The following GAP43 variants were observed in gnomAD, a reference collection of about 807,000 sequenced individuals.
The protein encoded by GAP43 is neuromodulin.
Under a neutral mutation model 18.6 loss-of-function variants are expected in GAP43, and 6 were observed. The observed-to-expected ratio is 0.32, with a 90% CI of 0.18 to 0.64. GAP43 has a LOEUF of 0.64. Ranked by LOEUF, GAP43 falls within the 30% of genes least tolerant of loss-of-function variation. The pLI, the probability that GAP43 is intolerant of heterozygous loss-of-function variation, is 0.78. For synonymous variants in GAP43, 115 were observed against 111.4 expected, an observed-to-expected ratio of 1.03 and a Z score of -0.20; for missense variants, 292 against 295.5, an observed-to-expected ratio of 0.99 and a Z score of 0.09.
Position 115,698,258 on chromosome 3 carries a change from T to TATATAAAATATATATAATATATAATAC in GAP43, c.628+21663_628+21664insAATATATAATACATATAAAATATATAT, listed in dbSNP as rs1559804501. On this transcript the variant is annotated intron_variant, in intron 2 of 2. Coordinates refer to ENST00000305124, the MANE Select transcript of GAP43 (RefSeq NM_002045.4). ...TATAAAATATATATAATATATAATA[T>TATATAAAATATATATAATATATAATAC]ATATAAAATATATATTATATATAAA... Among the ~76,000 whole-genome samples the TATATAAAATATATATAATATATAATAC allele has an allele frequency of 4.6e-3, 189 of 41,090 alleles. 3 individuals carry two copies. The highest frequency in any genetic ancestry group is 0.015 in the African/African-American group (183 of 11,970). 27.0% of individuals were successfully genotyped at this position (41,090 alleles called of 152,430 possible). A position where few individuals can be genotyped will look rare whatever the true frequency, so the allele number is the denominator to read the frequency against.
intron 2 of GAP43, among the ~76,000 whole-genome samples, chr3:115,683,648 A>G (rs1027418039): frequency 6.6e-6 from 1 of 152,118 alleles, no homozygotes; most frequent in Admixed American, 6.5e-5. Context: ...GTGTATTTTT[A>G]TATGCTTTTA....
At chr3:115,694,175 G>C (rs1014877867) in intron 2 of GAP43, among the ~76,000 whole-genome samples, 2 of 152,316 alleles carry the variant, frequency 1.3e-5, no homozygotes, top group East Asian at 3.9e-4. Context: ...AGTGGCTGCC[G>C]CTGCTGTTAC....
At chr3:115,684,101 A>G (rs1334313236) in intron 2 of GAP43, among the ~76,000 whole-genome samples, 1 of 152,198 alleles carries the variant, frequency 6.6e-6, no homozygotes, top group Non-Finnish European at 1.5e-5. Flanking sequence ...AGATATCTTC[A>G]GGGGAAGAAA....
chr3:115,657,373 G>T (rs769847277), intron 1 of GAP43, among the ~76,000 whole-genome samples: 25 of 152,240 alleles, frequency 1.6e-4, no homozygotes, highest in Admixed American at 7.2e-4. Flanking sequence ...GTTACCACCA[G>T]ATGGTGAAAC....
At chr3:115,690,042 C>A (rs1166899211) in intron 2 of GAP43, among the ~76,000 whole-genome samples, 1 of 152,220 alleles carries the variant, frequency 6.6e-6, no homozygotes, top group African/African-American at 2.4e-5. Flanking sequence ...TGGCCATGGC[C>A]AAGGCCAATT....
chr3:115,686,676 TC>T (rs1362322375), intron 2 of GAP43, among the ~76,000 whole-genome samples: 2 of 152,214 alleles, frequency 1.3e-5, no homozygotes, highest in Non-Finnish European at 2.9e-5. Flanking sequence ...TCTTAAAACC[TC>T]TTTCTCATGA....
intron 2 of GAP43, among the ~76,000 whole-genome samples, chr3:115,694,568 C>T (rs926831108): frequency 6.6e-6 from 1 of 152,176 alleles, no homozygotes; most frequent in Non-Finnish European, 1.5e-5. Flanking sequence ...CTTGTTTAAG[C>T]TTCACAATGA....
intron 1 of GAP43, among the ~76,000 whole-genome samples, chr3:115,665,988 GA>G (rs1202015719): frequency 8.3e-5 from 4 of 48,368 alleles, no homozygotes; most frequent in Non-Finnish European, 1.8e-4. Context: ...GTGGCTAAAT[GA>G]GTGTGTGTGT....
chr3:115,664,579 C>A (rs1708708176), intron 1 of GAP43, among the ~76,000 whole-genome samples: 1 of 152,176 alleles, frequency 6.6e-6, no homozygotes, highest in South Asian at 2.1e-4. Flanking sequence ...AGCCAGGATT[C>A]AAACTCAGAT....
In GAP43 at chr3:115,641,510, T is replaced by TCACACACACACACACACACA. The variant is rs376412583; in HGVS notation, c.30+17805_30+17824dup. Among the ~76,000 whole-genome samples the TCACACACACACACACACACA allele has an allele frequency of 2.2e-3, 233 of 107,050 alleles. 1 individual carries two copies. The highest frequency in any genetic ancestry group is 3.3e-3 in the African/African-American group (91 of 27,906). The allele number at this position is 107,050 out of a possible 152,430, so 70.2% of individuals were successfully genotyped here. ...GTGCATATATTATACATATATATAT[T>TCACACACACACACACACACA]CACACACACACACACACACACACAC... On this transcript the variant is annotated intron_variant, in intron 1 of 2. Transcript: ENST00000305124.
intron 2 of GAP43, among the ~76,000 whole-genome samples, chr3:115,717,640 GA>G (rs1709526603): frequency 1.3e-5 from 2 of 149,928 alleles, no homozygotes; most frequent in Non-Finnish European, 3.0e-5. Flanking sequence ...GGTATATTAT[GA>G]AAGGCTTTAA....
chr3:115,633,476 ACC>A (rs1264950927), intron 1 of GAP43, among the ~76,000 whole-genome samples: 5 of 152,108 alleles, frequency 3.3e-5, no homozygotes, highest in Non-Finnish European at 7.3e-5. Flanking sequence ...TGGGTTAGCT[ACC>A]CGAGTCAGAA....
At chr3:115,683,171 A>ACG (rs1708986106) in intron 2 of GAP43, among the ~76,000 whole-genome samples, 1 of 151,416 alleles carries the variant, frequency 6.6e-6, no homozygotes, top group African/African-American at 2.4e-5. Flanking sequence ...ACACACACAC[A>ACG]CACACACACA....
At chr3:115,689,824 G>C (rs1037310125) in intron 2 of GAP43, among the ~76,000 whole-genome samples, 5 of 152,098 alleles carry the variant, frequency 3.3e-5, no homozygotes, top group Admixed American at 3.3e-4. Flanking sequence ...ACCAGAAATC[G>C]ATCAGGGGAG....
At chr3:115,718,114 A>G (rs1256100400) in intron 2 of GAP43, among the ~76,000 whole-genome samples, 1 of 152,180 alleles carries the variant, frequency 6.6e-6, no homozygotes, top group Non-Finnish European at 1.5e-5. Flanking sequence ...CTAAGCATAC[A>G]TAATAGCTCC....
intron 1 of GAP43, among the ~76,000 whole-genome samples, chr3:115,653,363 A>G (rs1364878231): frequency 2.0e-5 from 3 of 152,198 alleles, no homozygotes; most frequent in East Asian, 3.9e-4. Flanking sequence ...AATCACTTGA[A>G]CCTAGGAGGC....
At chr3:115,708,236 A>G (rs974441821) in intron 2 of GAP43, among the ~76,000 whole-genome samples, 3 of 152,238 alleles carry the variant, frequency 2.0e-5, no homozygotes, top group Non-Finnish European at 4.4e-5. Flanking sequence ...AATGCAAGGC[A>G]TATAACTTCC....
chr3:115,641,862 A>G (rs1023822165), intron 1 of GAP43, among the ~76,000 whole-genome samples: 7 of 152,218 alleles, frequency 4.6e-5, no homozygotes, highest in Non-Finnish European at 1.0e-4. Flanking sequence ...AATGTAAAAC[A>G]GATAAAAAGA....
At chr3:115,665,159 T>C (rs1708717230) in intron 1 of GAP43, among the ~76,000 whole-genome samples, 1 of 152,160 alleles carries the variant, frequency 6.6e-6, no homozygotes. Flanking sequence ...GTGTGCTTGC[T>C]ATACAAGTGC....
Sources: gnomAD v4.1 joint callset for allele counts (sites outside exome capture counted in the v4.1 genomes callset) on GRCh38, gnomAD v4.1.1 for gene constraint, MANE v1.5 for transcripts, NCBI Gene and HGNC (gene_info 2026-07-23, HGNC 2026-07-21) for gene names.